The following ULK4 variants were observed in gnomAD, a reference collection of about 807,000 sequenced individuals.
The protein encoded by ULK4 is unc-51 like kinase 4, also known as inactive serine/threonine-protein kinase ULK4.
ULK4 carries 133 observed loss-of-function variants against 160.6 expected under a neutral mutation model. That is an observed-to-expected ratio of 0.83 (90% CI 0.72 to 0.96). The LOEUF is 0.96. Ranked by LOEUF, ULK4 falls within the 40% of genes least tolerant of loss-of-function variation. The probability of loss-of-function intolerance (pLI) is 0.00; values close to 1 mark genes in which losing one functional copy is unlikely to be tolerated. For synonymous variants in ULK4, 534 were observed against 539.8 expected, an observed-to-expected ratio of 0.99 and a Z score of 0.15; for missense variants, 1,580 against 1,499.5, an observed-to-expected ratio of 1.05 and a Z score of -0.89.
intron 35 of ULK4, among the ~76,000 whole-genome samples, chr3:41,393,017 AGG>A (rs1055812368): frequency 6.6e-6 from 1 of 152,148 alleles, no homozygotes; most frequent in Non-Finnish European, 1.5e-5. Flanking sequence ...GAAACTTGGC[AGG>A]GCTGTGTGGA....
chr3:41,593,056 G>C (rs2031460520), intron 31 of ULK4, among the ~76,000 whole-genome samples: 1 of 152,120 alleles, frequency 6.6e-6, no homozygotes, highest in Admixed American at 6.5e-5. Context: ...ACCACAATCA[G>C]CTATTTCTTC....
chr3:41,788,995 G>A (rs73071358), intron 21 of ULK4, among the ~76,000 whole-genome samples: 18,855 of 152,126 alleles, frequency 0.12, 1,351 homozygotes, highest in Middle Eastern at 0.27. Context: ...TGATTCAGAA[G>A]GTCTGCATGG....
rs534047843 is a variant in ULK4 at position 41,270,868 on chromosome 3, A to G, written c.3679-21294T>C. ...ACTTCTGTTTATTCATTCGTTCACC[A>G]GCAAAAATTATTACAGTAACTTTTT... is the stretch of plus-strand genomic sequence containing the variant. On this transcript the variant is annotated intron_variant, in intron 35 of 36. Coordinates refer to ENST00000301831, the MANE Select transcript of ULK4 (RefSeq NM_017886.4). Among the ~76,000 whole-genome samples the G allele has an allele frequency of 9.3e-4, 141 of 152,366 alleles. 1 individual carries two copies. Among genetic ancestry groups the G allele is most frequent in the African/African-American group, 3.3e-3 (137 of 41,584 alleles).
At chr3:41,490,106 A>G (rs948374352) in intron 32 of ULK4, among the ~76,000 whole-genome samples, 2 of 152,120 alleles carry the variant, frequency 1.3e-5, no homozygotes, top group Non-Finnish European at 2.9e-5. Context: ...ATGATTCTGT[A>G]TATTACAGTT....
chr3:41,248,434 T>C (rs2078684362), intron 36 of ULK4, among the ~76,000 whole-genome samples: 1 of 152,024 alleles, frequency 6.6e-6, no homozygotes, highest in Admixed American at 6.5e-5. Flanking sequence ...CAGAAAACCA[T>C]GAATACGAAC....
At chr3:41,742,835 C>A (rs1481383958) in intron 22 of ULK4, among the ~76,000 whole-genome samples, 1 of 151,846 alleles carries the variant, frequency 6.6e-6, no homozygotes, top group Admixed American at 6.6e-5. Context: ...AAAAACCTCA[C>A]TGGATAAGCT....
chr3:41,643,689 C>A (rs1310263035), intron 30 of ULK4, among the ~76,000 whole-genome samples: 1 of 151,996 alleles, frequency 6.6e-6, no homozygotes, highest in East Asian at 1.9e-4. Context: ...TTTTTTGGTT[C>A]CATATGAACT....
intron 32 of ULK4, among the ~76,000 whole-genome samples, chr3:41,541,721 T>C (rs1195044314): frequency 6.6e-6 from 1 of 152,194 alleles, no homozygotes; most frequent in Non-Finnish European, 1.5e-5. Flanking sequence ...TGGTTTGTAG[T>C]TCTCCTTGAA....
chr3:41,299,497 A>C (rs575809125), intron 35 of ULK4, among the ~76,000 whole-genome samples: 13 of 152,346 alleles, frequency 8.5e-5, no homozygotes, highest in African/African-American at 3.1e-4. Context: ...GACAAGCAAG[A>C]GGCTTCCTGG....
intron 35 of ULK4, among the ~76,000 whole-genome samples, chr3:41,293,717 G>A (rs1196075867): frequency 2.0e-5 from 3 of 152,186 alleles, no homozygotes; most frequent in African/African-American, 4.8e-5. Context: ...GAGCTGCTGT[G>A]AGGAGCAAAT....
intron 35 of ULK4, among the ~76,000 whole-genome samples, chr3:41,305,297 A>G (rs908314843): frequency 1.1e-4 from 16 of 152,098 alleles, no homozygotes; most frequent in Middle Eastern, 3.4e-3. Context: ...GCTGGACTGT[A>G]CTGCTGCCAT....
chr3:41,950,035 A>G (rs1427349702), intron 2 of ULK4, among the ~76,000 whole-genome samples: 1 of 151,480 alleles, frequency 6.6e-6, no homozygotes, highest in Non-Finnish European at 1.5e-5. Context: ...CACACCTGGC[A>G]CGGTCTGATG....
intron 1 of ULK4, among the ~76,000 whole-genome samples, chr3:41,958,015 G>C (rs1700543161): frequency 6.8e-6 from 1 of 146,460 alleles, no homozygotes; most frequent in Non-Finnish European, 1.5e-5. Context: ...CTGCACTCTA[G>C]CCTGGGCAAC....
At chr3:41,753,127 A>C (rs947797755) in intron 22 of ULK4, among the ~76,000 whole-genome samples, 1 of 152,124 alleles carries the variant, frequency 6.6e-6, no homozygotes, top group African/African-American at 2.4e-5. Flanking sequence ...AAATGAGAGG[A>C]TCGCTTGGGC....
At chr3:41,810,093 A>G (rs2040773730) in intron 19 of ULK4, among the ~76,000 whole-genome samples, 1 of 152,174 alleles carries the variant, frequency 6.6e-6, no homozygotes. Context: ...ACATTTATGA[A>G]ACTATATTTA....
At chr3:41,856,539 A>G (rs1482591467) in intron 17 of ULK4, among the ~76,000 whole-genome samples, 27 of 87,880 alleles carry the variant, frequency 3.1e-4, no homozygotes, top group East Asian at 2.6e-3. Flanking sequence ...ATATGTATGT[A>G]TATATATATG....
At chr3:41,869,667 C>T (rs185533923) in intron 17 of ULK4, among the ~76,000 whole-genome samples, 49 of 152,246 alleles carry the variant, frequency 3.2e-4, no homozygotes, top group African/African-American at 1.1e-3. Context: ...TAAACACTTC[C>T]GCATGTGTTC....
chr3:41,432,171 T>C (rs777647341), intron 34 of ULK4, among the ~76,000 whole-genome samples: 1 of 152,168 alleles, frequency 6.6e-6, no homozygotes, highest in Non-Finnish European at 1.5e-5. Flanking sequence ...GTAGTATACA[T>C]ACATTGGAAG....
chr3:41,440,713 G>A (rs371220520), intron 34 of ULK4, among the ~76,000 whole-genome samples: 1 of 152,112 alleles, frequency 6.6e-6, no homozygotes, highest in African/African-American at 2.4e-5. Flanking sequence ...GAAAGATTTT[G>A]TAAATTTGGT....
Sources: gnomAD v4.1 joint callset for allele counts (sites outside exome capture counted in the v4.1 genomes callset) on GRCh38, gnomAD v4.1.1 for gene constraint, MANE v1.5 for transcripts, NCBI Gene and HGNC (gene_info 2026-07-23, HGNC 2026-07-21) for gene names.